The following KIF7 variants were observed in gnomAD, a reference collection of about 807,000 sequenced individuals.
KIF7 encodes the protein kinesin-like protein KIF7.
KIF7 carries 104 observed loss-of-function variants against 135.7 expected under a neutral mutation model. The observed-to-expected ratio is 0.77, with a 90% confidence interval of 0.65 to 0.90. The LOEUF (loss-of-function observed/expected upper bound fraction) is 0.90, where lower values mean the gene tolerates loss of function less well. Among genes scored for constraint, KIF7 ranks in the 40% least tolerant of loss-of-function variants. KIF7 has a pLI of 0.00. For missense variants in KIF7, 2,005 were observed against 1,839.1 expected, an observed-to-expected ratio of 1.09 and a Z score of -1.65; for synonymous variants, 883 against 809.4, an observed-to-expected ratio of 1.09 and a Z score of -1.54.
In KIF7 at chr15:89,628,278, T is replaced by C. The variant is rs563157720; in HGVS notation, c.*141A>G. ...AGTTCTTTTGGGCCATGGCCCAAAT[T>C]TGTTGATCCCAGTGAGGGTACAGAT... is the stretch of plus-strand genomic sequence containing the variant. On this transcript the variant is annotated 3_prime_UTR_variant, in exon 19 of 19. Transcript: ENST00000394412. 1.3e-4 allele frequency: 142 copies of C among 1,078,396 alleles called. 2 individuals carry two copies. The South Asian group carries it at 2.4e-3, about 18-fold the overall frequency. 66.8% of individuals were successfully genotyped at this position (1,078,396 alleles called of 1,614,324 possible).
At chr15:89,626,318 G>A (rs537948003), downstream of KIF7, among the ~76,000 whole-genome samples, 163 of 152,296 alleles carry the variant, frequency 1.1e-3, no homozygotes, top group African/African-American at 3.8e-3. Context: ...TGGGCTTGCC[G>A]CAACATGCTG....
chr15:89,618,546 T>C (rs1963373299), intron 1 of KIF7, among the ~76,000 whole-genome samples: 1 of 152,222 alleles, frequency 6.6e-6, no homozygotes, highest in South Asian at 2.1e-4. Context: ...AGGGAAATTT[T>C]TTATTGGGGA....
upstream of KIF7, among the ~76,000 whole-genome samples, chr15:89,660,433 T>C (rs904070641): frequency 2.0e-5 from 3 of 152,218 alleles, no homozygotes; most frequent in Non-Finnish European, 4.4e-5. Context: ...GTAGTTGTAA[T>C]TTCTGGTGTG....
At position 89,648,970 on chromosome 15, in the gene KIF7, TCAC is replaced by T. The variant is rs1964073602; in HGVS notation, c.923+1_923+3del. 1 of 1,532,512 alleles carries T rather than the reference TCAC, an allele frequency of 6.5e-7. No homozygotes were observed. The highest frequency in any genetic ancestry group is 8.8e-7 in the Non-Finnish European group (1 of 1,138,150). 94.9% of individuals were successfully genotyped at this position (1,532,512 alleles called of 1,614,324 possible). A position where few individuals can be genotyped will look rare whatever the true frequency, so the allele number is the denominator to read the frequency against. On this transcript the variant is annotated splice_donor_variant and splice_donor_region_variant and intron_variant, in intron 4 of 18. Transcript: ENST00000394412. LOFTEE classifies it high-confidence loss of function. ...GGCCACATAGGAGCCAGGGGGCAGC[TCAC>T]CGGGTGATCTTGGAGTCGCGGTAGG... is the stretch of plus-strand genomic sequence containing the variant.
rs775084299 is a variant in KIF7, at chr15:89,628,803, C to G, written c.3665-17G>C. On this transcript the variant is annotated splice_polypyrimidine_tract_variant and intron_variant, in intron 18 of 18. Transcript: ENST00000394412. The stretch of plus-strand genomic sequence containing the variant: ...TCTCCCCACCTGTCATGGAGAGTAA[C>G]GTGTCCTCATCAGAAACAGGTGGCA... 7 of 1,611,622 alleles carry G rather than the reference C, an allele frequency of 4.3e-6. No homozygotes were observed. The South Asian group carries it at 5.5e-5, about 13-fold the overall frequency.
chr15:89,624,865 C>T, downstream of KIF7: 2 of 1,614,002 alleles, frequency 1.2e-6, no homozygotes, highest in South Asian at 1.1e-5. Flanking sequence ...TGGCTCTCCT[C>T]TGATGCCTTC....
upstream of KIF7, among the ~76,000 whole-genome samples, chr15:89,657,310 CAA>C (rs369464990): frequency 3.0e-5 from 3 of 98,656 alleles, no homozygotes; most frequent in African/African-American, 8.2e-5. Context: ...GACCCTGTCT[CAA>C]AAAAAAAAAA....
At position 89,630,442 on chromosome 15, in the gene KIF7, C is replaced by G; in HGVS notation, c.3163G>C (p.Ala1055Pro). Residue 1055 changes from alanine to proline, a missense_variant, in exon 16 of 19, where the codon GCC becomes CCC. Physicochemically the swap from Ala to Pro is conservative, Grantham distance 27 (BLOSUM62 -1). Coordinates refer to ENST00000394412, the MANE Select transcript of KIF7 (RefSeq NM_198525.3). Reference protein sequence around the residue: ...LDEAIEALDAAIEYKNEAITC... With the variant: ...LDEAIEALDAPIEYKNEAITC... ...ATGGCCTCATTCTTATACTCAATGG[C>G]AGCATCCAGGGCCTCGATGGCCTCA... 1 of 1,589,396 alleles carries G rather than the reference C, an allele frequency of 6.3e-7. No individual in the cohort carries two copies. Among genetic ancestry groups the G allele is most frequent in the Non-Finnish European group, 8.6e-7 (1 of 1,167,528 alleles).
Position 89,636,824 on chromosome 15 carries a change from C to A in KIF7, c.2395-2941G>T, listed in dbSNP as rs1309687064. Among the ~76,000 whole-genome samples the A allele has an allele frequency of 5.2e-4, 77 of 148,028 alleles. 3 individuals are homozygous for A. The highest frequency in any genetic ancestry group is 6.5e-4 in the African/African-American group (26 of 39,820). On this transcript the variant is annotated intron_variant, in intron 11 of 18. Coordinates refer to ENST00000394412, the MANE Select transcript of KIF7 (RefSeq NM_198525.3). Reference sequence around the variant, plus strand: ...GAATTGAACTCAGCTCTGCACCAAGCGGACCTAATAGACACCTACAGAACT... The same window carrying A: ...GAATTGAACTCAGCTCTGCACCAAGAGGACCTAATAGACACCTACAGAACT...
In KIF7 at chr15:89,642,313, C is replaced by T; in HGVS notation, c.2284G>A (p.Gly762Ser). 1 of 1,611,068 alleles carries T rather than the reference C, an allele frequency of 6.2e-7. No individual in the cohort carries two copies. The highest frequency in any genetic ancestry group is 8.5e-7 in the Non-Finnish European group (1 of 1,179,492). ...AEQVRAELSE[G>S]QRQLRELEGK... ...TCGAGCTCCCGCAGCTGCCTCTGGC[C>T]TTCACTCAGCTCGGCCCGCACCTGC... Residue 762 changes from glycine (G) to serine (S), a missense_variant, in exon 11 of 19, where the codon GGC becomes AGC. Gly to Ser is a moderately conservative substitution (Grantham distance 56). Transcript: ENST00000394412.
chr15:89,629,912 C>T (rs1248462123), intron 16 of KIF7: 1 of 518,952 alleles, frequency 1.9e-6, no homozygotes, highest in Non-Finnish European at 3.5e-6. Context: ...GTTGTGGGGG[C>T]CTGTCCTGTG....
Position 89,628,489 on chromosome 15 carries a change from A to G in KIF7, c.3962T>C (p.Leu1321Ser), listed in dbSNP as rs375983330. ...TCGCAGTTCCCGCCGGGGCTTGGACAAAGGCCCAAAGTTCCAGGGCAGGCC... is the reference window on the plus strand; with the variant it reads ...TCGCAGTTCCCGCCGGGGCTTGGACGAAGGCCCAAAGTTCCAGGGCAGGCC... ...EAGLPWNFGP[L>S]SKPRRELRRA... The change falls in exon 19 of 19, where the codon TTG (leucine) becomes TCG (serine). Residue 1321 changes from leucine to serine, a missense_variant. Leu to Ser is a moderately radical substitution (Grantham distance 145). Coordinates refer to ENST00000394412, the MANE Select transcript of KIF7 (RefSeq NM_198525.3). The G allele has an allele frequency of 5.0e-6, 8 of 1,612,158 alleles. No homozygotes were observed. In the African/African-American group the frequency reaches 1.1e-4, roughly 22 times the overall value.
intron 8 of KIF7, 148 bp downstream of exon 8, chr15:89,645,745 C>T: frequency 8.7e-7 from 1 of 1,147,744 alleles, no homozygotes; most frequent in African/African-American, 1.5e-5. Flanking sequence ...AGCTCTCCCC[C>T]AGGGGCTGGC....
At chr15:89,644,256 A>G (rs1366870598) in intron 10 of KIF7, among the ~76,000 whole-genome samples, 1 of 152,136 alleles carries the variant, frequency 6.6e-6, no homozygotes, top group Admixed American at 6.5e-5. Flanking sequence ...CTTCACTCAT[A>G]TCACCAGTCA....
chr15:89,649,215 G>A lies in KIF7; in HGVS notation c.682C>T (p.Arg228Trp), dbSNP rs1028164219. ...HTVFTVTLEQ[R>W]GRAPSRLPRP... ...GGTAGGCGGCTGGGGGCGCGCCCCCGCTGCTCCAGGGTCACGGTGAAGACC... is the reference window on the plus strand; with the variant it reads ...GGTAGGCGGCTGGGGGCGCGCCCCCACTGCTCCAGGGTCACGGTGAAGACC... The change falls in exon 4 of 19, where the codon CGG (arginine) becomes TGG (tryptophan). Residue 228 changes from arginine (R) to tryptophan (W), a missense_variant. Physicochemically the swap from Arg to Trp is moderately radical, Grantham distance 101 (BLOSUM62 -3). Transcript: ENST00000394412. 8 of 1,546,042 alleles carry A rather than the reference G, an allele frequency of 5.2e-6. No individual in the cohort carries two copies. The highest frequency in any genetic ancestry group is 2.7e-5 in the African/African-American group (2 of 72,944).
chr15:89,629,055 C>T lies in KIF7; in HGVS notation c.3585G>A (p.Lys1195=). 6.2e-7 allele frequency: 1 copy of T among 1,613,520 alleles called. No individual in the cohort carries two copies. The highest frequency in any genetic ancestry group is 8.5e-7 in the Non-Finnish European group (1 of 1,179,948). ...QYEARIQALE[K]ELGRYMWINQ... Reference sequence around the variant, plus strand: ...TTATCCACATGTAACGGCCCAGTTCCTTCTCCAGAGCTTGAATCCGGGCCT... The same window carrying T: ...TTATCCACATGTAACGGCCCAGTTCTTTCTCCAGAGCTTGAATCCGGGCCT... The change falls in exon 18 of 19, where the codon AAG becomes AAA. Residue 1195 remains lysine (K), a synonymous_variant. Transcript: ENST00000394412.
rs116313686 is a variant in KIF7 at position 89,652,383 on chromosome 15, G to A, written c.328+220C>T. On this transcript the variant is annotated intron_variant, in intron 2 of 18. Coordinates refer to ENST00000394412, the MANE Select transcript of KIF7 (RefSeq NM_198525.3). ...CATGGCGCCATCTCTATGGAGGTGA[G>A]AAGGCCACTCACCTCCAACGACCCT... is the stretch of plus-strand genomic sequence containing the variant. Among the ~76,000 whole-genome samples the A allele has an allele frequency of 1.0e-2, 1,521 of 152,252 alleles. 22 individuals carry two copies. Among genetic ancestry groups the A allele is most frequent in the African/African-American group, 0.034 (1,425 of 41,550 alleles).
intron 6 of KIF7, 140 bp from the exon 7 acceptor site, chr15:89,647,197 A>G (rs1964029960): frequency 1.4e-6 from 1 of 739,658 alleles, no homozygotes; most frequent in Admixed American, 2.1e-5. Context: ...CTCCTCCCCA[A>G]CAACTCTGTA....
At chr15:89,644,077 G>A (rs1963968470) in intron 10 of KIF7, among the ~76,000 whole-genome samples, 1 of 152,142 alleles carries the variant, frequency 6.6e-6, no homozygotes, top group Non-Finnish European at 1.5e-5. Context: ...TAAAACAACT[G>A]TGGAAAACTC....
Sources: allele counts gnomAD v4.1 joint callset (sites outside exome capture counted in the v4.1 genomes callset), GRCh38; gene constraint gnomAD v4.1.1; transcripts MANE v1.5; gene names NCBI Gene and HGNC (gene_info 2026-07-23, HGNC 2026-07-21).